PDZD2: variants seen among roughly 807,000 people sequenced by gnomAD.
PDZD2 encodes PDZ domain-containing protein 2.
PDZD2 carries 90 observed loss-of-function variants against 220.7 expected under a neutral mutation model. That is an observed-to-expected ratio of 0.41 (90% CI 0.34 to 0.49). The LOEUF (loss-of-function observed/expected upper bound fraction) is 0.49, where lower values mean the gene tolerates loss of function less well. Ranked by LOEUF, PDZD2 falls within the 20% of genes least tolerant of loss-of-function variation. The pLI, the probability that PDZD2 is intolerant of heterozygous loss-of-function variation, is 0.28. For missense variants in PDZD2, 3,174 were observed against 3,608.5 expected (o/e 0.88, Z 3.08); for synonymous variants, 1,375 against 1,450.5 (o/e 0.95, Z 1.18).
At chr5:32,023,303 G>A (rs1754373980) in intron 6 of PDZD2, among the ~76,000 whole-genome samples, 2 of 152,034 alleles carry the variant, frequency 1.3e-5, no homozygotes, top group South Asian at 4.1e-4. Flanking sequence ...TCTCCACTGA[G>A]GTCCCCACCG....
At chr5:32,050,783 T>C (rs1317250270) in intron 8 of PDZD2, among the ~76,000 whole-genome samples, 1 of 152,192 alleles carries the variant, frequency 6.6e-6, no homozygotes, top group Non-Finnish European at 1.5e-5. Context: ...ATCACGCCAC[T>C]GAATTCCAGC....
At chr5:31,670,971 C>T (rs763850199) in intron 1 of PDZD2, among the ~76,000 whole-genome samples, 8 of 152,104 alleles carry the variant, frequency 5.3e-5, no homozygotes, top group Non-Finnish European at 1.2e-4. Context: ...AACTCCCACC[C>T]TTATTCCTTC....
intron 6 of PDZD2, 119 bp downstream of exon 6, chr5:32,010,601 A>C: frequency 1.3e-6 from 1 of 763,278 alleles, no homozygotes; most frequent in Non-Finnish European, 2.4e-6. Flanking sequence ...GGGAAAAGAC[A>C]CCAGTGCATT....
At chr5:31,749,849 G>A (rs974536759) in intron 1 of PDZD2, among the ~76,000 whole-genome samples, 3 of 152,152 alleles carry the variant, frequency 2.0e-5, no homozygotes, top group African/African-American at 7.2e-5. Flanking sequence ...TCCCCCAGGT[G>A]AGCCGCGCGT....
chr5:32,038,084 C>T (rs939104395), intron 7 of PDZD2, among the ~76,000 whole-genome samples: 4 of 148,636 alleles, frequency 2.7e-5, no homozygotes, highest in East Asian at 4.0e-4. Context: ...CCTTGTGATC[C>T]GCCCGCCTCA....
chr5:31,994,107 T>A (rs1429702507), intron 3 of PDZD2, among the ~76,000 whole-genome samples: 1 of 149,590 alleles, frequency 6.7e-6, no homozygotes, highest in African/African-American at 2.5e-5. Context: ...AACCTCCACC[T>A]TCTGGGTTCA....
chr5:32,085,664 C>G (rs1454470101), intron 19 of PDZD2, among the ~76,000 whole-genome samples: 1 of 149,480 alleles, frequency 6.7e-6, no homozygotes, highest in Non-Finnish European at 1.5e-5. Context: ...CCAGGCTGGT[C>G]TCGAACTCTT....
chr5:31,691,138 G>A (rs1316692239), intron 1 of PDZD2, among the ~76,000 whole-genome samples: 2 of 152,158 alleles, frequency 1.3e-5, no homozygotes, highest in East Asian at 3.8e-4. Context: ...TCTGACGTTC[G>A]GATGCATTCG....
At chr5:31,870,346 T>C (rs1183903469) in intron 2 of PDZD2, among the ~76,000 whole-genome samples, 1 of 152,214 alleles carries the variant, frequency 6.6e-6, no homozygotes, top group Non-Finnish European at 1.5e-5. Flanking sequence ...CTATAAATTT[T>C]CTCACACTGT....
chr5:31,643,827 ATT>A (rs34330342), intron 1 of PDZD2, among the ~76,000 whole-genome samples: 7 of 146,112 alleles, frequency 4.8e-5, no homozygotes, highest in African/African-American at 1.0e-4. Context: ...AATGTGAATA[ATT>A]TTTTTTTTTT....
At chr5:31,731,080 G>A (rs1749508203) in intron 1 of PDZD2, among the ~76,000 whole-genome samples, 1 of 152,192 alleles carries the variant, frequency 6.6e-6, no homozygotes, top group African/African-American at 2.4e-5. Context: ...CTTGCAAGTG[G>A]TTAATTTATT....
intron 14 of PDZD2, among the ~76,000 whole-genome samples, chr5:32,062,944 A>T (rs114587878): frequency 0.011 from 1,629 of 152,186 alleles, 31 homozygotes; most frequent in African/African-American, 0.038. Flanking sequence ...TGGGGCCTTG[A>T]GCCAACGGAC....
rs1750432051 is a variant in PDZD2 at position 31,983,143 on chromosome 5, T to C, written c.477-12T>C. On this transcript the variant is annotated splice_polypyrimidine_tract_variant and intron_variant, in intron 2 of 24. Transcript: ENST00000438447. Reference sequence around the variant, plus strand: ...TGTGGGGTTCTAACTGGCACCTCTCTGTCTGTTGCAGTTACCTGGCTGAGC... The same window carrying C: ...TGTGGGGTTCTAACTGGCACCTCTCCGTCTGTTGCAGTTACCTGGCTGAGC... 2 of 1,606,528 alleles carry C rather than the reference T, an allele frequency of 1.2e-6. No individual in the cohort carries two copies. The highest frequency in any genetic ancestry group is 1.3e-5 in the African/African-American group (1 of 74,752).
chr5:31,984,711 A>G (rs540284501), intron 3 of PDZD2, among the ~76,000 whole-genome samples: 1 of 152,064 alleles, frequency 6.6e-6, no homozygotes, highest in African/African-American at 2.4e-5. Flanking sequence ...CAAAAATACA[A>G]AAAATTAGCT....
rs1581510887 is a variant in PDZD2, at chr5:32,104,883, C to T, written c.8354-3086C>T. On this transcript the variant is annotated intron_variant, in intron 24 of 24. Coordinates refer to ENST00000438447, the MANE Select transcript of PDZD2 (RefSeq NM_178140.4). Reference sequence around the variant, plus strand: ...GGGTACCGTGGCTCACACCTGTAATCCCAGCACTTTGGAGACCAAGGTGGG... The same window carrying T: ...GGGTACCGTGGCTCACACCTGTAATTCCAGCACTTTGGAGACCAAGGTGGG... 2.0e-5 allele frequency among the ~76,000 whole-genome samples: 3 copies of T among 152,124 alleles called. 1 individual carries two copies. The South Asian group carries it at 6.2e-4, about 32-fold the overall frequency.
chr5:32,041,601 G>A (rs56150209), intron 7 of PDZD2, among the ~76,000 whole-genome samples: 25,733 of 151,902 alleles, frequency 0.17, 2,517 homozygotes, highest in Admixed American at 0.22. Flanking sequence ...GATTAAGGGC[G>A]GTGCAAGATG....
chr5:31,809,425 T>A (rs371240385), intron 2 of PDZD2, among the ~76,000 whole-genome samples: 1 of 152,190 alleles, frequency 6.6e-6, no homozygotes, highest in Non-Finnish European at 1.5e-5. Context: ...TGACTGGTGT[T>A]TTTTCCTGTG....
Position 31,983,245 on chromosome 5 carries a change from C to T in PDZD2, c.567C>T (p.Gly189=), listed in dbSNP as rs758864036. 22 of 1,614,168 alleles carry T rather than the reference C, an allele frequency of 1.4e-5. No individual in the cohort carries two copies. Among genetic ancestry groups the T allele is most frequent in the Admixed American group, 1.7e-5 (1 of 60,022 alleles). ...ACAAAGCCCACTCCACTTATAATGG[C>T]AACAGTAGCAACAGCTCTGAACCAG... ...FKHKAHSTYN[G]NSSNSSEPGE... The change falls in exon 3 of 25, where the codon GGC becomes GGT. Residue 189 remains glycine, a synonymous_variant. Coordinates refer to ENST00000438447, the MANE Select transcript of PDZD2 (RefSeq NM_178140.4).
intron 7 of PDZD2, among the ~76,000 whole-genome samples, chr5:32,037,892 A>G (rs1755682366): frequency 6.6e-6 from 1 of 151,810 alleles, no homozygotes; most frequent in African/African-American, 2.4e-5. Context: ...CCCAGGCTAA[A>G]GTGCAGTGGC....
Sources: allele counts gnomAD v4.1 joint callset (sites outside exome capture counted in the v4.1 genomes callset), GRCh38; gene constraint gnomAD v4.1.1; transcripts MANE v1.5; gene names NCBI Gene and HGNC (gene_info 2026-07-23, HGNC 2026-07-21).